CACNA1C: variants seen among roughly 807,000 people sequenced by gnomAD.
CACNA1C encodes the protein calcium voltage-gated channel subunit alpha1 C.
Under a neutral mutation model 229.0 loss-of-function variants are expected in CACNA1C, and 30 were observed. That is an observed-to-expected ratio of 0.13 (90% CI 0.10 to 0.18). The LOEUF is 0.18. CACNA1C is among the 10% of genes least tolerant of loss of function. CACNA1C has a pLI of 1.00. For synonymous variants in CACNA1C, 1,114 were observed against 1,132.5 expected (o/e 0.98, Z 0.33); for missense variants, 1,658 against 2,845.0 (o/e 0.58, Z 9.49).
In CACNA1C at chr12:2,052,999, C is replaced by T. The variant is rs2052734878; in HGVS notation, c.-564C>T. The T allele has an allele frequency of 4.7e-5, 46 of 984,020 alleles. No individual in the cohort carries two copies. Among genetic ancestry groups the T allele is most frequent in the Non-Finnish European group, 4.9e-5 (41 of 829,454 alleles). 61.0% of individuals were successfully genotyped at this position (984,020 alleles called of 1,614,324 possible). ...TCGCGCGCCCGGTGTCTCCCTCTCG[C>T]TGCCTCTGCAGAAACAGCTCCTGCC... On this transcript the variant is annotated 5_prime_UTR_variant, in exon 1 of 47. Coordinates refer to ENST00000399655, the MANE Select transcript of CACNA1C (RefSeq NM_000719.7).
chr12:1,994,405 C>T (rs78998667), intron 1 of CACNA1C, among the ~76,000 whole-genome samples: 3,910 of 152,306 alleles, frequency 0.026, 158 homozygotes, highest in African/African-American at 0.089. Context: ...AGCTACATAA[C>T]CACTACCAGG....
chr12:2,636,263 C>G (rs1429265353), intron 30 of CACNA1C, among the ~76,000 whole-genome samples: 3 of 152,230 alleles, frequency 2.0e-5, no homozygotes, highest in Non-Finnish European at 4.4e-5. Context: ...CCCCCCTGTA[C>G]AGTGGCCCAC....
At chr12:2,519,362 G>T (rs1229725837) in intron 9 of CACNA1C, among the ~76,000 whole-genome samples, 2 of 152,246 alleles carry the variant, frequency 1.3e-5, no homozygotes, top group Non-Finnish European at 2.9e-5. Context: ...GCTCTAAGCT[G>T]TTGGAACAGG....
intron 1 of CACNA1C, among the ~76,000 whole-genome samples, chr12:2,104,808 T>G (rs1017279141): frequency 6.6e-6 from 1 of 152,226 alleles, no homozygotes; most frequent in Non-Finnish European, 1.5e-5. Context: ...GCGCCTTAGT[T>G]CAAGTAGCAA....
intron 3 of CACNA1C, among the ~76,000 whole-genome samples, chr12:2,372,625 C>CTT (rs760672024): frequency 2.8e-4 from 41 of 147,228 alleles, no homozygotes; most frequent in African/African-American, 9.7e-4. Context: ...TCCGCATTCC[C>CTT]TTTTTTTTTT....
intron 3 of CACNA1C, among the ~76,000 whole-genome samples, chr12:2,191,895 C>T (rs567554548): frequency 2.0e-5 from 3 of 150,758 alleles, no homozygotes; most frequent in Admixed American, 6.6e-5. Flanking sequence ...CACACAGGCA[C>T]ACACATGCAC....
chr12:2,117,112 A>G (rs928965733), intron 2 of CACNA1C, among the ~76,000 whole-genome samples: 3 of 152,132 alleles, frequency 2.0e-5, no homozygotes, highest in Admixed American at 2.0e-4. Flanking sequence ...CTCTGCTAAT[A>G]ATACAAAAAT....
At chr12:2,414,432 G>A (rs1282347451) in intron 3 of CACNA1C, among the ~76,000 whole-genome samples, 1 of 152,126 alleles carries the variant, frequency 6.6e-6, no homozygotes, top group African/African-American at 2.4e-5. Context: ...CCCGTGGATG[G>A]CCGGATTTTG....
At chr12:2,371,724 CTTTTTTTTTTTT>C (rs61627008) in intron 3 of CACNA1C, among the ~76,000 whole-genome samples, 1 of 129,016 alleles carries the variant, frequency 7.8e-6, no homozygotes, top group Admixed American at 8.0e-5. Context: ...TGACATATGG[CTTTTTTTTTTTT>C]TTTTTTTTTT....
chr12:2,585,382 C>T lies in CACNA1C; in HGVS notation c.2346C>T (p.Ala782=), dbSNP rs1420614486. 4 of 1,612,582 alleles carry T rather than the reference C, an allele frequency of 2.5e-6. No individual in the cohort carries two copies. The highest frequency in any genetic ancestry group is 3.4e-6 in the Non-Finnish European group (4 of 1,179,312). Reference sequence around the variant, plus strand: ...TCTGCTGCTGACTGGCCAGGACTGCCAGCCCAGAGAAGAAACAAGAGTTGG... The same window carrying T: ...TCTGCTGCTGACTGGCCAGGACTGCTAGCCCAGAGAAGAAACAAGAGTTGG... ...EKERKKLART[A]SPEKKQELVE... The change falls in exon 17 of 47, where the codon GCC becomes GCT. Residue 782 remains alanine, a synonymous_variant. Coordinates refer to ENST00000399655, the MANE Select transcript of CACNA1C (RefSeq NM_000719.7). This position sits in a 1 kb window ranked among gnomAD's most constrained non-coding sequence, Gnocchi z 4.1.
chr12:2,264,684 C>T (rs897879621), intron 3 of CACNA1C, among the ~76,000 whole-genome samples: 6 of 152,214 alleles, frequency 3.9e-5, no homozygotes, highest in African/African-American at 1.4e-4. Flanking sequence ...CGGAGGCCAG[C>T]CAGCCCTTTT....
At chr12:2,160,683 TTC>T (rs1443898195) in intron 3 of CACNA1C, among the ~76,000 whole-genome samples, 2 of 152,256 alleles carry the variant, frequency 1.3e-5, no homozygotes, top group African/African-American at 4.8e-5. Context: ...CAGAGAGCAC[TTC>T]TTAATATTTC....
At chr12:2,453,965 G>A (rs1274605314) in intron 4 of CACNA1C, among the ~76,000 whole-genome samples, 1 of 152,136 alleles carries the variant, frequency 6.6e-6, no homozygotes, top group Non-Finnish European at 1.5e-5. Context: ...TCTCTCAGCA[G>A]GCAGCCACTT....
intron 3 of CACNA1C, among the ~76,000 whole-genome samples, chr12:2,274,697 G>A (rs941733191): frequency 2.0e-5 from 3 of 152,222 alleles, no homozygotes; most frequent in African/African-American, 7.2e-5. Flanking sequence ...CATCTAACTA[G>A]GAGGCCGTAA....
intron 9 of CACNA1C, among the ~76,000 whole-genome samples, chr12:2,522,063 C>G (rs564117412): frequency 1.3e-5 from 2 of 152,342 alleles, no homozygotes; most frequent in Admixed American, 1.3e-4. Context: ...TTACCCATCT[C>G]CCATCCCTCT....
intron 7 of CACNA1C, among the ~76,000 whole-genome samples, chr12:2,496,783 A>G (rs2099747678): frequency 6.6e-6 from 1 of 152,258 alleles, no homozygotes; most frequent in Non-Finnish European, 1.5e-5. Flanking sequence ...AGGAGTGTGC[A>G]GATGACAGAA....
At chr12:2,543,498 T>C (rs969952835) in intron 9 of CACNA1C, among the ~76,000 whole-genome samples, 1 of 152,244 alleles carries the variant, frequency 6.6e-6, no homozygotes, top group African/African-American at 2.4e-5. Flanking sequence ...TCAGCTTTGA[T>C]ACCACTATGT....
At chr12:2,219,896 G>A (rs769804085) in intron 3 of CACNA1C, among the ~76,000 whole-genome samples, 2 of 152,204 alleles carry the variant, frequency 1.3e-5, no homozygotes, top group Non-Finnish European at 2.9e-5. Context: ...GACCTAGGCA[G>A]TGGAGGGCCC....
intron 3 of CACNA1C, among the ~76,000 whole-genome samples, chr12:2,147,793 G>A (rs1253136536): frequency 6.8e-6 from 1 of 146,650 alleles, no homozygotes; most frequent in African/African-American, 2.5e-5. Flanking sequence ...ATTTTGGGGG[G>A]GCAAATAGGC....
Sources: gnomAD v4.1 joint callset for allele counts (sites outside exome capture counted in the v4.1 genomes callset) on GRCh38, gnomAD v4.1.1 for gene constraint, Gnocchi (gnomAD v3.1) non-coding constraint, MANE v1.5 for transcripts, NCBI Gene and HGNC (gene_info 2026-07-23, HGNC 2026-07-21) for gene names.